Variants in CD52 observed in about 807,000 individuals in gnomAD.
The protein encoded by CD52 is CD52 molecule.
CD52 carries 2 observed loss-of-function variants against 2.5 expected under a neutral mutation model. The ratio of observed to expected loss-of-function variants is 0.79; its 90% CI spans 0.32 to 2.48. The LOEUF is 2.48. Ranked by LOEUF, CD52 falls within the 30% of genes most tolerant of loss-of-function variation. CD52 has a pLI of 0.11. For missense variants in CD52, 62 were observed against 75.8 expected (o/e 0.82, Z 0.68); for synonymous variants, 24 against 27.7 (o/e 0.87, Z 0.42).
chr1:26,318,150 TC>T, intron 1 of CD52, 79 bp downstream of exon 1: 2 of 1,207,384 alleles, frequency 1.7e-6, no homozygotes, highest in Non-Finnish European at 2.5e-6. Context: ...GGATGTGAGC[TC>T]CCAGAGACCC....
chr1:26,318,756 C>T (rs2073822446), intron 1 of CD52: 1 of 152,544 alleles, frequency 6.6e-6, no homozygotes, highest in Non-Finnish European at 1.5e-5. Flanking sequence ...AGTTGCAGCT[C>T]CATCAAGCAT....
chr1:26,318,230 G>A (rs1284203497), intron 1 of CD52, 159 bp downstream of exon 1: 9 of 645,266 alleles, frequency 1.4e-5, no homozygotes, highest in South Asian at 5.5e-5. Flanking sequence ...GGGCCTGGCC[G>A]CCCAGCCTTC....
In CD52 at chr1:26,320,208, A is replaced by G; in HGVS notation, c.92A>G (p.Gln31Arg). ...TGLSGQNDTS[Q>R]TSSPSASSNI... ...CTCTCAGGACAAAACGACACCAGCC[A>G]AACCAGCAGCCCCTCAGCATCCAGC... is the stretch of plus-strand genomic sequence containing the variant. Residue 31 changes from glutamine to arginine, a missense_variant, in exon 2 of 2, where the codon CAA becomes CGA. Physicochemically the swap from Gln to Arg is conservative, Grantham distance 43. Transcript: ENST00000374213. 6.2e-7 allele frequency: 1 copy of G among 1,613,894 alleles called. No individual in the cohort carries two copies. The highest frequency in any genetic ancestry group is 8.5e-7 in the Non-Finnish European group (1 of 1,179,978).
rs570039509 is a variant in CD52 at position 26,318,025 on chromosome 1, G to A, written c.8G>A (p.Arg3His). The change falls in exon 1 of 2, where the codon CGC becomes CAC. Residue 3 changes from arginine (R) to histidine (H), a missense_variant. Physicochemically the swap from Arg to His is conservative, Grantham distance 29 (BLOSUM62 0). Coordinates refer to ENST00000374213, the MANE Select transcript of CD52 (RefSeq NM_001803.3). ...CACGAAGATCCTACCAAAATGAAGC[G>A]CTTCCTCTTCCTCCTACTCACCATC... Reference protein sequence around the residue: MKRFLFLLLTISL... With the variant: MKHFLFLLLTISL... 1.2e-5 allele frequency: 20 copies of A among 1,614,058 alleles called. No homozygotes were observed. The highest frequency in any genetic ancestry group is 5.5e-5 in the South Asian group (5 of 91,088).
rs2073841500 is a variant in CD52, at chr1:26,320,320, T to C, written c.*18T>C. The C allele has an allele frequency of 1.3e-6, 2 of 1,599,120 alleles. No homozygotes were observed. Among genetic ancestry groups the C allele is most frequent in the African/African-American group, 1.4e-5 (1 of 73,724 alleles). On this transcript the variant is annotated 3_prime_UTR_variant, in exon 2 of 2. Transcript: ENST00000374213. ...TCAGTTGAGGTGACACGTCTCAGCC[T>C]TAGCCCTGTGCCCCCTGAAACAGCT...
intron 1 of CD52, among the ~76,000 whole-genome samples, chr1:26,319,721 G>GT (rs1203785536): frequency 1.3e-5 from 2 of 152,090 alleles, no homozygotes; most frequent in Admixed American, 1.3e-4. Context: ...GGAAGAAGTA[G>GT]TGGTCACATG....
chr1:26,318,122 A>G (rs373710621), intron 1 of CD52, 51 bp downstream of exon 1: 86 of 1,514,788 alleles, frequency 5.7e-5, no homozygotes, highest in Non-Finnish European at 6.6e-5. Context: ...GTTGCTTGGC[A>G]TGGAGGGAGG....
chr1:26,319,540 G>A (rs1208905636), intron 1 of CD52, among the ~76,000 whole-genome samples: 2 of 151,384 alleles, frequency 1.3e-5, no homozygotes, highest in Non-Finnish European at 2.9e-5. Flanking sequence ...AGGGGTGGAG[G>A]TTGCAGTGAC....
chr1:26,319,999 A>G (rs2073836875), intron 1 of CD52, among the ~76,000 whole-genome samples, 172 bp from the exon 2 acceptor site: 1 of 151,930 alleles, frequency 6.6e-6, no homozygotes. Context: ...ACGTGCCTAT[A>G]GTCCCAGCTA....
chr1:26,320,151 T>G lies in CD52; in HGVS notation c.55-20T>G. The stretch of plus-strand genomic sequence containing the variant: ...AAAAAAAAAAAGTCCCCTGATCTTA[T>G]CCCACTTCTCCTCCTACAGATACAA... On this transcript the variant is annotated intron_variant, in intron 1 of 1. Transcript: ENST00000374213. 1 of 1,593,548 alleles carries G rather than the reference T, an allele frequency of 6.3e-7. No individual in the cohort carries two copies. Among genetic ancestry groups the G allele is most frequent in the African/African-American group, 1.4e-5 (1 of 72,988 alleles).
intron 1 of CD52, among the ~76,000 whole-genome samples, chr1:26,319,257 C>T (rs890925330): frequency 1.3e-5 from 2 of 151,996 alleles, no homozygotes; most frequent in African/African-American, 4.8e-5. Context: ...TCGAGACCAT[C>T]CTGGCTAACA....
chr1:26,318,332 G>A (rs756947531), intron 1 of CD52: 34 of 456,092 alleles, frequency 7.5e-5, no homozygotes, highest in Non-Finnish European at 1.2e-4. Flanking sequence ...TGCTAGGCGC[G>A]TTGGGGCACC....
chr1:26,320,115 A>T, intron 1 of CD52, 56 bp from the exon 2 acceptor site: 1 of 1,556,034 alleles, frequency 6.4e-7, no homozygotes, highest in Non-Finnish European at 8.7e-7. Flanking sequence ...GTGAGACTCC[A>T]CCTCTAAAAA....
At position 26,319,431 on chromosome 1, in the gene CD52, C is replaced by G. The variant is rs534082245; in HGVS notation, c.55-740C>G. On this transcript the variant is annotated intron_variant, in intron 1 of 1. Transcript: ENST00000374213. ...CCGAGATCACGCCACTGCACTCCAG[C>G]CTGGGCGGGCGACAGAGCAAGACTC... Among the ~76,000 whole-genome samples the G allele has an allele frequency of 1.6e-3, 235 of 150,290 alleles. 1 individual carries two copies. Among genetic ancestry groups the G allele is most frequent in the Non-Finnish European group, 3.0e-3 (202 of 67,618 alleles).
At position 26,320,230 on chromosome 1, in the gene CD52, C is replaced by T; in HGVS notation, c.114C>T (p.Ser38=). The change falls in exon 2 of 2, where the codon TCC becomes TCT. Residue 38 remains serine (S), a synonymous_variant. Coordinates refer to ENST00000374213, the MANE Select transcript of CD52 (RefSeq NM_001803.3). ...DTSQTSSPSA[S]SNISGGIFLF... The stretch of plus-strand genomic sequence containing the variant: ...GCCAAACCAGCAGCCCCTCAGCATC[C>T]AGCAACATAAGCGGAGGCATTTTCC... 4 of 1,613,922 alleles carry T rather than the reference C, an allele frequency of 2.5e-6. No homozygotes were observed. Among genetic ancestry groups the T allele is most frequent in the Non-Finnish European group, 3.4e-6 (4 of 1,179,950 alleles).
At chr1:26,318,182 C>A in intron 1 of CD52, 111 bp downstream of exon 1, 1 of 896,266 alleles carries the variant, frequency 1.1e-6, no homozygotes, top group Non-Finnish European at 1.8e-6. Context: ...CCTGAGAGCA[C>A]AGCAGATGGA....
Position 26,320,170 on chromosome 1 carries a change from G to A in CD52, c.55-1G>A. ...ATCTTATCCCACTTCTCCTCCTACA[G>A]ATACAAACTGGACTCTCAGGACAAA... On this transcript the variant is annotated splice_acceptor_variant, in intron 1 of 1. Transcript: ENST00000374213. LOFTEE classifies it high-confidence loss of function. The A allele has an allele frequency of 6.2e-7, 1 of 1,610,306 alleles. No homozygotes were observed. Among genetic ancestry groups the A allele is most frequent in the Non-Finnish European group, 8.5e-7 (1 of 1,178,856 alleles).
Position 26,320,210 on chromosome 1 carries a change from A to AC in CD52, c.96dup (p.Ser33GlnfsTer32). The AC allele has an allele frequency of 1.2e-6, 2 of 1,613,936 alleles. No homozygotes were observed. Among genetic ancestry groups the AC allele is most frequent in the Non-Finnish European group, 1.7e-6 (2 of 1,179,966 alleles). On this transcript the variant is annotated frameshift_variant, in exon 2 of 2. Transcript: ENST00000374213. LOFTEE classifies it low-confidence loss of function (END_TRUNC). Reference sequence around the variant, plus strand: ...CTCAGGACAAAACGACACCAGCCAAACCAGCAGCCCCTCAGCATCCAGCAA... The same window carrying AC: ...CTCAGGACAAAACGACACCAGCCAAACCCAGCAGCCCCTCAGCATCCAGCAA...
chr1:26,318,103 C>T, intron 1 of CD52, 32 bp downstream of exon 1: 8 of 1,596,846 alleles, frequency 5.0e-6, no homozygotes, highest in Non-Finnish European at 6.9e-6. Flanking sequence ...ACTGCCAGGA[C>T]TCCCCAAAGT....
Sources: gnomAD v4.1 joint callset for allele counts (sites outside exome capture counted in the v4.1 genomes callset) on GRCh38, gnomAD v4.1.1 for gene constraint, MANE v1.5 for transcripts, NCBI Gene and HGNC (gene_info 2026-07-23, HGNC 2026-07-21) for gene names.